The following KLHL7 variants were observed in gnomAD, a reference collection of about 807,000 sequenced individuals.
The protein encoded by KLHL7 is kelch like family member 7, also known as kelch-like protein 7.
Under a neutral mutation model 67.4 loss-of-function variants are expected in KLHL7, and 44 were observed. The observed-to-expected ratio is 0.65, with a 90% CI of 0.51 to 0.84. The LOEUF (loss-of-function observed/expected upper bound fraction) is 0.84, where lower values mean the gene tolerates loss of function less well. KLHL7 is among the 40% of genes least tolerant of loss of function. The probability of loss-of-function intolerance (pLI) is 0.00; values close to 1 mark genes in which losing one functional copy is unlikely to be tolerated. For missense variants in KLHL7, 362 were observed against 718.1 expected (o/e 0.50, Z 5.67); for synonymous variants, 252 against 243.3 (o/e 1.04, Z -0.33).
intron 1 of KLHL7, among the ~76,000 whole-genome samples, chr7:23,107,978 T>A (rs961456699): frequency 1.3e-5 from 2 of 152,300 alleles, no homozygotes; most frequent in Admixed American, 6.5e-5. Context: ...GGGCAGTTGA[T>A]GGGAATTGGC....
chr7:23,166,049 A>G, intron 8 of KLHL7, 111 bp downstream of exon 8: 1 of 1,247,824 alleles, frequency 8.0e-7, no homozygotes, highest in South Asian at 1.2e-5. Flanking sequence ...CTTTCTTGGT[A>G]ATTTAAATAT....
chr7:23,146,005 T>A (rs999401628), intron 6 of KLHL7, among the ~76,000 whole-genome samples: 1 of 152,242 alleles, frequency 6.6e-6, no homozygotes, highest in East Asian at 1.9e-4. Context: ...ATGCTGGGAT[T>A]ACAGGCATGA....
intron 7 of KLHL7, among the ~76,000 whole-genome samples, chr7:23,160,324 A>G (rs1784822950): frequency 6.6e-6 from 1 of 152,232 alleles, no homozygotes; most frequent in Admixed American, 6.5e-5. Flanking sequence ...ACTGTTATCA[A>G]GCATAATATC....
At chr7:23,112,628 G>C (rs907414420) in intron 1 of KLHL7, among the ~76,000 whole-genome samples, 1 of 152,180 alleles carries the variant, frequency 6.6e-6, no homozygotes, top group Non-Finnish European at 1.5e-5. Context: ...TGTATTCACA[G>C]GAGGACTGCA....
At chr7:23,150,211 T>C (rs1784487967) in intron 6 of KLHL7, among the ~76,000 whole-genome samples, 2 of 152,142 alleles carry the variant, frequency 1.3e-5, no homozygotes, top group South Asian at 4.2e-4. Context: ...GATAATATTG[T>C]ACAATTCAAA....
At chr7:23,150,233 G>T (rs946931344) in intron 6 of KLHL7, among the ~76,000 whole-genome samples, 2 of 151,998 alleles carry the variant, frequency 1.3e-5, no homozygotes, top group African/African-American at 4.8e-5. Flanking sequence ...GGTATTAAAA[G>T]GATACATAGT....
At chr7:23,119,003 C>T (rs1446726384) in intron 1 of KLHL7, among the ~76,000 whole-genome samples, 2 of 151,898 alleles carry the variant, frequency 1.3e-5, no homozygotes, top group Admixed American at 6.6e-5. Context: ...CCCAGGAGTT[C>T]GAGGCTGCAG....
chr7:23,170,511 T>G (rs545514313), intron 9 of KLHL7, among the ~76,000 whole-genome samples: 1 of 152,258 alleles, frequency 6.6e-6, no homozygotes, highest in Admixed American at 6.5e-5. Context: ...AGTAGTACAG[T>G]AGGGAGACTA....
intron 9 of KLHL7, among the ~76,000 whole-genome samples, chr7:23,168,737 C>A (rs990177525): frequency 6.6e-6 from 1 of 152,108 alleles, no homozygotes; most frequent in Non-Finnish European, 1.5e-5. Flanking sequence ...CCTAGTCGTA[C>A]CTTTTATGGA....
chr7:23,166,180 A>G (rs1784999609), intron 8 of KLHL7, among the ~76,000 whole-genome samples: 1 of 152,182 alleles, frequency 6.6e-6, no homozygotes, highest in African/African-American at 2.4e-5. Context: ...ATAATGAAGC[A>G]TTAGTTGACA....
chr7:23,125,527 G>A (rs1333106101), intron 4 of KLHL7, among the ~76,000 whole-genome samples: 1 of 152,110 alleles, frequency 6.6e-6, no homozygotes, highest in Non-Finnish European at 1.5e-5. Flanking sequence ...TCACAGATGA[G>A]GCAACTTATA....
At chr7:23,116,061 G>C (rs935614413) in intron 1 of KLHL7, among the ~76,000 whole-genome samples, 1 of 152,222 alleles carries the variant, frequency 6.6e-6, no homozygotes, top group Non-Finnish European at 1.5e-5. Flanking sequence ...TTTGAGAGGA[G>C]AGTGATTTAC....
intron 1 of KLHL7, among the ~76,000 whole-genome samples, chr7:23,120,065 C>T (rs764135494): frequency 2.0e-5 from 3 of 151,662 alleles, no homozygotes; most frequent in African/African-American, 7.3e-5. Context: ...GCTGGAGTGC[C>T]GTGGCACAAT....
At chr7:23,162,493 T>C (rs1784879501) in intron 7 of KLHL7, among the ~76,000 whole-genome samples, 1 of 152,212 alleles carries the variant, frequency 6.6e-6, no homozygotes, top group Non-Finnish European at 1.5e-5. Context: ...CCTTTGGTCA[T>C]TCAGTCATTT....
At chr7:23,113,958 T>C (rs1782984436) in intron 1 of KLHL7, among the ~76,000 whole-genome samples, 1 of 151,856 alleles carries the variant, frequency 6.6e-6, no homozygotes, top group Non-Finnish European at 1.5e-5. Context: ...TGAATTCTGC[T>C]ACATAAAAAA....
intron 8 of KLHL7, among the ~76,000 whole-genome samples, chr7:23,166,768 T>G (rs1443807910): frequency 6.6e-6 from 1 of 152,156 alleles, no homozygotes; most frequent in Admixed American, 6.5e-5. Context: ...ATACAATAAA[T>G]CCTAAAGATG....
At chr7:23,142,328 A>G (rs1052946162) in intron 5 of KLHL7, among the ~76,000 whole-genome samples, 1 of 152,200 alleles carries the variant, frequency 6.6e-6, no homozygotes, top group African/African-American at 2.4e-5. Flanking sequence ...CTATAAGATC[A>G]TATGTTTTAA....
At chr7:23,109,845 C>T (rs890200939) in intron 1 of KLHL7, among the ~76,000 whole-genome samples, 1 of 152,212 alleles carries the variant, frequency 6.6e-6, no homozygotes, top group Non-Finnish European at 1.5e-5. Flanking sequence ...TTCCAGTCAT[C>T]CAGACCTTCT....
intron 7 of KLHL7, among the ~76,000 whole-genome samples, chr7:23,157,765 A>T (rs890046268): frequency 1.3e-5 from 2 of 152,164 alleles, no homozygotes; most frequent in Non-Finnish European, 2.9e-5. Context: ...TGCATCTCCA[A>T]GAAACCCCCA....
Sources: allele counts gnomAD v4.1 joint callset (sites outside exome capture counted in the v4.1 genomes callset), GRCh38; gene constraint gnomAD v4.1.1; transcripts MANE v1.5; gene names NCBI Gene and HGNC (gene_info 2026-07-23, HGNC 2026-07-21).